Variants in TRMT9B observed in about 807,000 individuals in gnomAD.
The protein encoded by TRMT9B is probable tRNA methyltransferase 9B.
In TRMT9B, 16 loss-of-function variants were observed where a neutral mutation model predicts 11.5. That is an observed-to-expected ratio of 1.39 (90% CI 0.94 to 2.11). TRMT9B has a LOEUF of 2.11. Among genes scored for constraint, TRMT9B ranks in the 30% most tolerant of loss-of-function variants. The pLI is 0.00. For missense variants in TRMT9B, 941 were observed against 553.8 expected (o/e 1.70, Z -7.02); for synonymous variants, 274 against 192.4 (o/e 1.42, Z -3.51).
chr8:12,988,129 G>A (rs1346059953), intron 1 of TRMT9B, among the ~76,000 whole-genome samples: 1 of 151,986 alleles, frequency 6.6e-6, no homozygotes, highest in Non-Finnish European at 1.5e-5. Context: ...CATATGCCTG[G>A]AATCACCCAC....
chr8:12,984,279 C>T (rs1805895337), intron 1 of TRMT9B, among the ~76,000 whole-genome samples: 1 of 152,154 alleles, frequency 6.6e-6, no homozygotes, highest in Non-Finnish European at 1.5e-5. Context: ...AAATACGAAA[C>T]ACTTCTGGTC....
intron 1 of TRMT9B, among the ~76,000 whole-genome samples, chr8:12,959,149 C>T (rs1801707601): frequency 6.6e-6 from 1 of 152,054 alleles, no homozygotes; most frequent in Non-Finnish European, 1.5e-5. Context: ...ACACAGGGGA[C>T]CATGAACTTC....
chr8:12,978,488 C>T (rs573127144), intron 1 of TRMT9B, among the ~76,000 whole-genome samples: 13 of 127,628 alleles, frequency 1.0e-4, no homozygotes, highest in Middle Eastern at 3.8e-3. Context: ...TGCTAACCCG[C>T]GACAGAGAGA....
chr8:13,014,268 G>C (rs532346403), intron 4 of TRMT9B, among the ~76,000 whole-genome samples: 6 of 152,176 alleles, frequency 3.9e-5, no homozygotes, highest in Non-Finnish European at 8.8e-5. Context: ...TAAGAGGATT[G>C]TCTTAGCCTT....
chr8:13,013,993 C>G lies in TRMT9B; in HGVS notation c.328+1136C>G, dbSNP rs556079482. On this transcript the variant is annotated intron_variant, in intron 4 of 4. Transcript: ENST00000524591. ...AAACTATTTGATTAATAAGTTTTAT[C>G]CAAGAAAGATGATCTTTTATAAAAT... Among the ~76,000 whole-genome samples, 343 of 152,168 alleles carry G rather than the reference C, an allele frequency of 2.3e-3. 1 individual carries two copies. Among genetic ancestry groups the G allele is most frequent in the African/African-American group, 7.4e-3 (306 of 41,516 alleles).
Position 13,021,488 on chromosome 8 carries a change from C to T in TRMT9B, c.809C>T (p.Pro270Leu), listed in dbSNP as rs750424272. 8.1e-6 allele frequency: 13 copies of T among 1,613,520 alleles called. No homozygotes were observed. The Admixed American group carries it at 1.5e-4, about 19-fold the overall frequency. ...TLRKQIERVRPLKNTEVWASS... is the reference protein window; with the variant it reads ...TLRKQIERVRLLKNTEVWASS... ...AGGAAGCAAATTGAAAGAGTAAGAC[C>T]CTTGAAAAACACAGAAGTTTGGGCC... The change falls in exon 5 of 5, where the codon CCC becomes CTC. Residue 270 changes from proline to leucine, a missense_variant. Transcript: ENST00000524591.
At chr8:13,011,049 AC>A (rs1306427750) in intron 3 of TRMT9B, 3 of 526,202 alleles carry the variant, frequency 5.7e-6, no homozygotes, top group Non-Finnish European at 7.3e-6. Flanking sequence ...AGGTGATGCT[AC>A]CCCAGCTCAC....
intron 1 of TRMT9B, among the ~76,000 whole-genome samples, chr8:12,973,784 A>G (rs537573548): frequency 1.3e-5 from 2 of 152,296 alleles, no homozygotes; most frequent in South Asian, 4.1e-4. Flanking sequence ...GAGATCCACA[A>G]AACACTTCAT....
At chr8:12,962,428 C>G (rs547333824) in intron 1 of TRMT9B, among the ~76,000 whole-genome samples, 11 of 152,264 alleles carry the variant, frequency 7.2e-5, no homozygotes, top group Admixed American at 2.6e-4. Context: ...GCAGTATGTG[C>G]ATACAGAAGA....
At chr8:12,955,623 G>T (rs951029357) in intron 1 of TRMT9B, among the ~76,000 whole-genome samples, 2 of 152,094 alleles carry the variant, frequency 1.3e-5, no homozygotes, top group African/African-American at 4.8e-5. Context: ...CCACTTCCAT[G>T]GTTCTTCTGG....
At chr8:12,981,350 G>A (rs1045859122) in intron 1 of TRMT9B, among the ~76,000 whole-genome samples, 3 of 152,162 alleles carry the variant, frequency 2.0e-5, no homozygotes, top group Non-Finnish European at 4.4e-5. Context: ...GTGAATTGGG[G>A]GTGGGACATC....
chr8:12,998,732 T>A (rs1808815685), intron 2 of TRMT9B, among the ~76,000 whole-genome samples: 1 of 152,188 alleles, frequency 6.6e-6, no homozygotes. Context: ...AAGTACAGAG[T>A]GTCATCTCCT....
intron 1 of TRMT9B, chr8:12,962,259 C>CTGTGTAGACACACCCATACATATACATTA: frequency 6.6e-6 from 1 of 152,300 alleles, no homozygotes; most frequent in South Asian, 2.1e-4. Context: ...CTTCAAAAGG[C>CTGTGTAGACACACCCATACATATACATTA]TGTGTAGACA....
At chr8:12,948,281 G>C (rs1021502845) in intron 1 of TRMT9B, among the ~76,000 whole-genome samples, 1 of 151,758 alleles carries the variant, frequency 6.6e-6, no homozygotes, top group Non-Finnish European at 1.5e-5. Context: ...GAATCCTGTA[G>C]TAAAAATGAA....
chr8:12,949,700 T>C lies in TRMT9B; in HGVS notation c.-200+3734T>C, dbSNP rs190470196. The stretch of plus-strand genomic sequence containing the variant: ...AACTTTCAGAAAACAAATGCAAATA[T>C]TTTACATTTGTTTATTATATAAGGG... On this transcript the variant is annotated intron_variant, in intron 1 of 4. Coordinates refer to ENST00000524591, the MANE Select transcript of TRMT9B (RefSeq NM_020844.3). 3.2e-3 allele frequency among the ~76,000 whole-genome samples: 482 copies of C among 152,288 alleles called. 3 individuals carry two copies. The highest frequency in any genetic ancestry group is 5.4e-3 in the Non-Finnish European group (369 of 68,030).
intron 1 of TRMT9B, chr8:12,952,741 GT>G (rs146209847): frequency 8.6e-5 from 81 of 939,416 alleles, no homozygotes; most frequent in Middle Eastern, 5.3e-4. Flanking sequence ...TATGTGTGGG[GT>G]TTTTTTTGTT....
rs1041948607 is a variant in TRMT9B, at chr8:13,029,488, C to T, written c.*7444C>T. The stretch of plus-strand genomic sequence containing the variant: ...AATTTGTGTGTTTATGATATGTATT[C>T]AATTATTTAAGTTAAGTATCAGTGT... On this transcript the variant is annotated 3_prime_UTR_variant, in exon 5 of 5. Coordinates refer to ENST00000524591, the MANE Select transcript of TRMT9B (RefSeq NM_020844.3). The T allele has an allele frequency of 1.2e-5, 2 of 166,816 alleles. No individual in the cohort carries two copies. The highest frequency in any genetic ancestry group is 1.3e-4 in the Admixed American group (2 of 15,272). 10.3% of individuals were successfully genotyped at this position (166,816 alleles called of 1,614,324 possible).
chr8:13,012,538 G>C, intron 3 of TRMT9B, 146 bp from the exon 4 acceptor site: 1 of 1,055,878 alleles, frequency 9.5e-7, no homozygotes, highest in Non-Finnish European at 1.3e-6. Flanking sequence ...TTGCGCCACT[G>C]CACTCCAGCC....
intron 1 of TRMT9B, among the ~76,000 whole-genome samples, chr8:12,959,162 G>C (rs1376502767): frequency 6.6e-6 from 1 of 152,036 alleles, no homozygotes; most frequent in Non-Finnish European, 1.5e-5. Context: ...TGAACTTCCT[G>C]GGTGAAAGGG....
Sources: gnomAD v4.1 joint callset for allele counts (sites outside exome capture counted in the v4.1 genomes callset) on GRCh38, gnomAD v4.1.1 for gene constraint, MANE v1.5 for transcripts, NCBI Gene and HGNC (gene_info 2026-07-23, HGNC 2026-07-21) for gene names.